The following TBC1D19 variants were observed in gnomAD, a reference collection of about 807,000 sequenced individuals.
TBC1D19 encodes TBC1 domain family member 19.
TBC1D19 carries 60 observed loss-of-function variants against 89.0 expected under a neutral mutation model. The observed-to-expected ratio is 0.67, with a 90% CI of 0.55 to 0.84. The LOEUF is 0.84. Ranked by LOEUF, TBC1D19 falls within the 40% of genes least tolerant of loss-of-function variation. TBC1D19 has a pLI of 0.00. For synonymous variants in TBC1D19, 189 were observed against 199.7 expected (o/e 0.95, Z 0.45); for missense variants, 500 against 610.8 (o/e 0.82, Z 1.91).
At chr4:26,637,048 C>T (rs908858775) in intron 4 of TBC1D19, among the ~76,000 whole-genome samples, 163 bp from the exon 5 acceptor site, 3 of 152,198 alleles carry the variant, frequency 2.0e-5, no homozygotes, top group African/African-American at 7.2e-5. Context: ...TAGTATCTGG[C>T]ATATAGTAGG....
chr4:26,803,920 C>T, the TBC1D19 span, among the ~76,000 whole-genome samples: 12 of 18,830 alleles, frequency 6.4e-4, no homozygotes, highest in East Asian at 1.3e-3. Context: ...GAGAAGGGGA[C>T]GGGGGAGGGG....
chr4:26,812,151 G>C, the TBC1D19 span, among the ~76,000 whole-genome samples: 278 of 152,254 alleles, frequency 1.8e-3, no homozygotes, highest in African/African-American at 6.3e-3. The surrounding 1 kb of genome is among the most constrained non-coding windows in gnomAD (Gnocchi z 4.2). Flanking sequence ...AGGAACACAG[G>C]GACCTAGCAG....
At chr4:26,637,128 A>G (rs748967229) in intron 4 of TBC1D19, 83 bp from the exon 5 acceptor site, 4 of 985,188 alleles carry the variant, frequency 4.1e-6, no homozygotes, top group Non-Finnish European at 6.1e-6. Flanking sequence ...TACCATTTCT[A>G]TATAATTTGT....
At chr4:26,773,168 G>GCCAGCC in the TBC1D19 span, among the ~76,000 whole-genome samples, 2 of 152,198 alleles carry the variant, frequency 1.3e-5, no homozygotes, top group African/African-American at 4.8e-5. Context: ...TGACTGGCAT[G>GCCAGCC]AGATAGTATC....
intron 12 of TBC1D19, among the ~76,000 whole-genome samples, chr4:26,687,136 T>C (rs1713882814): frequency 6.6e-6 from 1 of 152,204 alleles, no homozygotes; most frequent in South Asian, 2.1e-4. Context: ...TATAGTTACA[T>C]CTGGAGATTT....
At chr4:26,643,153 T>C (rs1743665673) in intron 7 of TBC1D19, among the ~76,000 whole-genome samples, 1 of 152,106 alleles carries the variant, frequency 6.6e-6, no homozygotes, top group East Asian at 1.9e-4. Context: ...CGCACTTATT[T>C]CAAAATTGAT....
the TBC1D19 span, among the ~76,000 whole-genome samples, chr4:26,826,666 A>G: frequency 1.3e-5 from 2 of 152,204 alleles, no homozygotes; most frequent in South Asian, 4.1e-4. Context: ...CACAACCCTA[A>G]CAATGAATAG....
At chr4:26,721,070 C>G (rs1056161495) in intron 15 of TBC1D19, among the ~76,000 whole-genome samples, 1 of 152,016 alleles carries the variant, frequency 6.6e-6, no homozygotes, top group Non-Finnish European at 1.5e-5. Flanking sequence ...CTCTGTCCCT[C>G]TTTTAATATC....
the TBC1D19 span, among the ~76,000 whole-genome samples, chr4:26,765,834 G>T: frequency 1.3e-5 from 2 of 152,014 alleles, no homozygotes; most frequent in Non-Finnish European, 2.9e-5. Flanking sequence ...TCTGACTTCT[G>T]CCTATTTGTT....
intron 19 of TBC1D19, among the ~76,000 whole-genome samples, chr4:26,751,538 T>C (rs914652524): frequency 1.3e-5 from 2 of 152,218 alleles, no homozygotes; most frequent in African/African-American, 4.8e-5. Flanking sequence ...TTTAAAGTAT[T>C]CATGTTTTCT....
At chr4:26,817,974 AAAAAAAAATAT>A in the TBC1D19 span, among the ~76,000 whole-genome samples, 1 of 108,294 alleles carries the variant, frequency 9.2e-6, no homozygotes, top group African/African-American at 4.0e-5. Flanking sequence ...CATTTAAAAA[AAAAAAAAATAT>A]ATATATATAT....
chr4:26,839,689 CA>C, the TBC1D19 span, among the ~76,000 whole-genome samples: 1 of 152,182 alleles, frequency 6.6e-6, no homozygotes, highest in Non-Finnish European at 1.5e-5. Flanking sequence ...GCTTCCATCC[CA>C]AAACTCCATT....
chr4:26,593,152 T>G (rs1317045863), intron 1 of TBC1D19, among the ~76,000 whole-genome samples: 1 of 152,066 alleles, frequency 6.6e-6, no homozygotes, highest in Non-Finnish European at 1.5e-5. Flanking sequence ...TATAGACCAA[T>G]GGAACAGAAC....
At chr4:26,780,704 C>T in the TBC1D19 span, among the ~76,000 whole-genome samples, 1 of 152,170 alleles carries the variant, frequency 6.6e-6, no homozygotes, top group Admixed American at 6.5e-5. Flanking sequence ...CTTCACTTGC[C>T]CCAGCCTTGT....
intron 13 of TBC1D19, among the ~76,000 whole-genome samples, chr4:26,697,154 A>G (rs1158958520): frequency 6.6e-6 from 1 of 152,192 alleles, no homozygotes; most frequent in Non-Finnish European, 1.5e-5. Flanking sequence ...AAATAGACAC[A>G]ATAAAAATGA....
chr4:26,840,227 GC>G, the TBC1D19 span, among the ~76,000 whole-genome samples: 1 of 151,988 alleles, frequency 6.6e-6, no homozygotes, highest in African/African-American at 2.4e-5. Flanking sequence ...GATTACATGT[GC>G]CCACCATCAT....
At chr4:26,699,714 A>G (rs1343559033) in intron 13 of TBC1D19, among the ~76,000 whole-genome samples, 3 of 152,136 alleles carry the variant, frequency 2.0e-5, no homozygotes, top group Non-Finnish European at 4.4e-5. Context: ...TCCTTTGTAG[A>G]GACATGAATG....
At chr4:26,795,898 A>G in the TBC1D19 span, among the ~76,000 whole-genome samples, 3 of 152,170 alleles carry the variant, frequency 2.0e-5, no homozygotes, top group Non-Finnish European at 4.4e-5. Context: ...GCCCAGTTCC[A>G]TCTTACCCCC....
rs564208752 is a variant in TBC1D19 at position 26,613,926 on chromosome 4, A to G, written c.173-482A>G. Among the ~76,000 whole-genome samples the G allele has an allele frequency of 2.2e-4, 34 of 152,336 alleles. 1 individual carries two copies. Among genetic ancestry groups the G allele is most frequent in the Non-Finnish European group, 4.3e-4 (29 of 68,028 alleles). ...TGTTAAATGGTTGACCCAGATAGTT[A>G]GCAGCTGAGCTAACTTGTCTGACTA... is the stretch of plus-strand genomic sequence containing the variant. On this transcript the variant is annotated intron_variant, in intron 2 of 20. Coordinates refer to ENST00000264866, the MANE Select transcript of TBC1D19 (RefSeq NM_018317.4).
Sources: allele counts gnomAD v4.1 joint callset (sites outside exome capture counted in the v4.1 genomes callset), GRCh38; gene constraint gnomAD v4.1.1; non-coding constraint Gnocchi (gnomAD v3.1); transcripts MANE v1.5; gene names NCBI Gene and HGNC (gene_info 2026-07-23, HGNC 2026-07-21).